The following CAMK1 variants were observed in gnomAD, a reference collection of about 807,000 sequenced individuals.
The protein encoded by CAMK1 is calcium/calmodulin-dependent protein kinase type 1.
Under a neutral mutation model 49.1 loss-of-function variants are expected in CAMK1, and 39 were observed. That is an observed-to-expected ratio of 0.79 (90% CI 0.62 to 1.04). The LOEUF (loss-of-function observed/expected upper bound fraction) is 1.04, where lower values mean the gene tolerates loss of function less well. Ranked by LOEUF, CAMK1 falls within the 50% of genes least tolerant of loss-of-function variation. The probability of loss-of-function intolerance (pLI) is 0.00; values close to 1 mark genes in which losing one functional copy is unlikely to be tolerated. For synonymous variants in CAMK1, 192 were observed against 185.2 expected (o/e 1.04, Z -0.30); for missense variants, 457 against 472.2 (o/e 0.97, Z 0.30).
At chr3:9,760,797 C>A (rs562027750) in intron 7 of CAMK1, 29 bp from the exon 8 acceptor site, 1 of 1,613,386 alleles carries the variant, frequency 6.2e-7, no homozygotes, top group East Asian at 2.2e-5. Context: ...ATCCTCATTT[C>A]CACTTTCGGG....
chr3:9,764,400 C>T (rs1466644620), intron 3 of CAMK1, among the ~76,000 whole-genome samples: 1 of 151,978 alleles, frequency 6.6e-6, no homozygotes, highest in African/African-American at 2.4e-5. Context: ...ACAATTTCTG[C>T]CTCCTGGGTT....
chr3:9,768,972 C>T (rs1228634745), intron 1 of CAMK1, among the ~76,000 whole-genome samples: 1 of 152,046 alleles, frequency 6.6e-6, no homozygotes, highest in East Asian at 1.9e-4. Flanking sequence ...CACAGATCCA[C>T]ACACATCCCT....
chr3:9,757,630 G>T lies in CAMK1; in HGVS notation c.1031-9C>A. 6.2e-7 allele frequency: 1 copy of T among 1,614,192 alleles called. No homozygotes were observed. Among genetic ancestry groups the T allele is most frequent in the Non-Finnish European group, 8.5e-7 (1 of 1,180,024 alleles). ...ACAGCCAGCTGCCGGCCCTGCATGG[G>T]AAGACAGAACAGAGGTGGCCGCAGG... On this transcript the variant is annotated splice_polypyrimidine_tract_variant and intron_variant, in intron 11 of 11. Coordinates refer to ENST00000256460, the MANE Select transcript of CAMK1 (RefSeq NM_003656.5). This position sits in a 1 kb window ranked among gnomAD's most constrained non-coding sequence, Gnocchi z 4.5.
At chr3:9,762,477 A>C (rs1028390395) in intron 5 of CAMK1, among the ~76,000 whole-genome samples, 14 of 152,064 alleles carry the variant, frequency 9.2e-5, no homozygotes, top group Non-Finnish European at 1.5e-5. Context: ...CCCGGGTCCA[A>C]GTGATTCGCC....
chr3:9,757,420 T>A lies in CAMK1; in HGVS notation c.*119A>T. 6.2e-7 allele frequency: 1 copy of A among 1,606,348 alleles called. No homozygotes were observed. Among genetic ancestry groups the A allele is most frequent in the African/African-American group, 1.3e-5 (1 of 74,226 alleles). ...TTTGTATGGAAAATGCAGTGAGGAG[T>A]GGTAGGGAAGCAGGTGAGGAGGGGA... On this transcript the variant is annotated 3_prime_UTR_variant, in exon 12 of 12. Coordinates refer to ENST00000256460, the MANE Select transcript of CAMK1 (RefSeq NM_003656.5). The surrounding 1 kb of genome is among the most constrained non-coding windows in gnomAD (Gnocchi z 4.5).
In CAMK1 at chr3:9,757,779, C is replaced by CCCTCCT; in HGVS notation, c.974_979dup (p.Glu326_Gly327insGluGlu). 3 of 1,614,104 alleles carry CCCTCCT rather than the reference C, an allele frequency of 1.9e-6. No individual in the cohort carries two copies. The highest frequency in any genetic ancestry group is 1.7e-6 in the Non-Finnish European group (2 of 1,179,984). ...CCCATGGCTCGCCGTCTGCCCCTGC[C>CCCTCCT]CCTCCTGGCTGGTGCCCAGCTGCAG... On this transcript the variant is annotated inframe_insertion, in exon 11 of 12. Transcript: ENST00000256460. The surrounding 1 kb of genome is among the most constrained non-coding windows in gnomAD (Gnocchi z 4.5).
intron 5 of CAMK1, 194 bp from the exon 6 acceptor site, chr3:9,761,951 TG>T: frequency 1.1e-5 from 8 of 714,388 alleles, no homozygotes; most frequent in East Asian, 5.8e-5. Flanking sequence ...CAAGAGGGTG[TG>T]GGGGGGAACT....
At chr3:9,759,156 T>A in intron 10 of CAMK1, 1 of 1,526,532 alleles carries the variant, frequency 6.6e-7, no homozygotes, top group Non-Finnish European at 9.1e-7. Flanking sequence ...ATTATTCCGC[T>A]ATGCCTCACT....
rs1380008543 is a variant in CAMK1 at position 9,759,485 on chromosome 3, C to T, written c.912+3G>A. On this transcript the variant is annotated splice_donor_region_variant and intron_variant, in intron 10 of 11. Coordinates refer to ENST00000256460, the MANE Select transcript of CAMK1 (RefSeq NM_003656.5). ...GGGACCAGAACTAGGGATATGGACT[C>T]ACCTTCCACTTGCTCTTGGCAAAGT... The T allele has an allele frequency of 6.2e-7, 1 of 1,614,192 alleles. No homozygotes were observed.
rs191594739 is a variant in CAMK1, at chr3:9,768,590, C to A, written c.-32-809G>T. Among the ~76,000 whole-genome samples, 6 of 152,284 alleles carry A rather than the reference C, an allele frequency of 3.9e-5. No homozygotes were observed. In the East Asian group the frequency reaches 1.2e-3, roughly 29 times the overall value. ...GCCCTAATGACACCTGGCCTGGGGC[C>A]CCCAGCTAAGCTTGCTGAGGGCAAA... On this transcript the variant is annotated intron_variant, in intron 1 of 11. Transcript: ENST00000256460.
intron 1 of CAMK1, among the ~76,000 whole-genome samples, chr3:9,769,308 C>T (rs1042640764): frequency 6.6e-6 from 1 of 152,032 alleles, no homozygotes; most frequent in Non-Finnish European, 1.5e-5. Context: ...TCTACCCCAT[C>T]CCCTGGAAGC....
In CAMK1 at chr3:9,757,374, A is replaced by G; in HGVS notation, c.*165T>C. The G allele has an allele frequency of 6.2e-7, 1 of 1,613,608 alleles. No homozygotes were observed. The highest frequency in any genetic ancestry group is 8.5e-7 in the Non-Finnish European group (1 of 1,179,726). On this transcript the variant is annotated 3_prime_UTR_variant, in exon 12 of 12. Coordinates refer to ENST00000256460, the MANE Select transcript of CAMK1 (RefSeq NM_003656.5). This position sits in a 1 kb window ranked among gnomAD's most constrained non-coding sequence, Gnocchi z 4.5. ...GTTTTATCTTCCCTTTATTACAAGA[A>G]GGAACAATAAAATAGAAACATTTGT...
chr3:9,765,870 A>T lies in CAMK1; in HGVS notation c.104T>A (p.Ile35Asn). 1.9e-6 allele frequency: 3 copies of T among 1,613,962 alleles called. No individual in the cohort carries two copies. Among genetic ancestry groups the T allele is most frequent in the South Asian group, 1.1e-5 (1 of 91,076 alleles). ...VLGTGAFSEV[I>N]LAEDKRTQKL... The stretch of plus-strand genomic sequence containing the variant: ...CTGCGTCCTCTTATCTTCTGCCAGG[A>T]TCACCTCCGAGAAGGCCCCCCTATC... Residue 35 changes from isoleucine to asparagine, a missense_variant, in exon 3 of 12, where the codon ATC becomes AAC. Coordinates refer to ENST00000256460, the MANE Select transcript of CAMK1 (RefSeq NM_003656.5).
intron 2 of CAMK1, 73 bp from the exon 3 acceptor site, chr3:9,765,963 A>G (rs745593044): frequency 1.3e-5 from 21 of 1,613,768 alleles, no homozygotes; most frequent in Admixed American, 3.3e-5. Flanking sequence ...TCCATTCCCT[A>G]TGGGTTCTGT....
At chr3:9,761,808 G>A (rs1259240432) in intron 5 of CAMK1, 51 bp from the exon 6 acceptor site, 1 of 1,602,608 alleles carries the variant, frequency 6.2e-7, no homozygotes, top group Non-Finnish European at 8.5e-7. Context: ...GTTAGAGGCT[G>A]GTAGAACCTT....
chr3:9,765,733 G>A, intron 3 of CAMK1, 26 bp downstream of exon 3: 5 of 1,612,444 alleles, frequency 3.1e-6, no homozygotes, highest in Non-Finnish European at 3.4e-6. Flanking sequence ...TCAGCTTGGG[G>A]CAGGGAAAGG....
At chr3:9,768,952 A>G (rs1694068406) in intron 1 of CAMK1, among the ~76,000 whole-genome samples, 1 of 151,898 alleles carries the variant, frequency 6.6e-6, no homozygotes, top group Non-Finnish European at 1.5e-5. Context: ...GGCCTACCAA[A>G]TACAACCCTC....
chr3:9,761,175 T>G, intron 7 of CAMK1: 1 of 386,672 alleles, frequency 2.6e-6, no homozygotes, highest in Non-Finnish European at 4.7e-6. Context: ...GTTTGTAGAT[T>G]TATTTACTTG....
At chr3:9,766,949 C>G (rs1198661649) in intron 2 of CAMK1, among the ~76,000 whole-genome samples, 1 of 152,166 alleles carries the variant, frequency 6.6e-6, no homozygotes, top group African/African-American at 2.4e-5. Flanking sequence ...TTCCAAAACC[C>G]TACACAAACT....
Sources: gnomAD v4.1 joint callset for allele counts (sites outside exome capture counted in the v4.1 genomes callset) on GRCh38, gnomAD v4.1.1 for gene constraint, Gnocchi (gnomAD v3.1) non-coding constraint, MANE v1.5 for transcripts, NCBI Gene and HGNC (gene_info 2026-07-23, HGNC 2026-07-21) for gene names.